The following CDR2 variants were observed in gnomAD, a reference collection of about 807,000 sequenced individuals.
CDR2 encodes the protein cerebellar degeneration related protein 2.
CDR2 carries 34 observed loss-of-function variants against 48.4 expected under a neutral mutation model. The ratio of observed to expected loss-of-function variants is 0.70; its 90% CI spans 0.53 to 0.94. The LOEUF (loss-of-function observed/expected upper bound fraction) is 0.94, where lower values mean the gene tolerates loss of function less well. Among genes scored for constraint, CDR2 ranks in the 40% least tolerant of loss-of-function variants. CDR2 has a pLI of 0.00. For missense variants in CDR2, 498 were observed against 549.5 expected (o/e 0.91, Z 0.94); for synonymous variants, 240 against 219.7 (o/e 1.09, Z -0.82).
chr16:22,349,900 G>A (rs2048931217), intron 2 of CDR2, 51 bp from the exon 3 acceptor site: 2 of 1,580,070 alleles, frequency 1.3e-6, no homozygotes, highest in Admixed American at 1.7e-5. Flanking sequence ...GATACCTGCT[G>A]TTTCTTGGCT....
At chr16:22,371,633 A>G (rs2049077237) in intron 1 of CDR2, among the ~76,000 whole-genome samples, 1 of 152,260 alleles carries the variant, frequency 6.6e-6, no homozygotes, top group Non-Finnish European at 1.5e-5. Context: ...CATATAACTT[A>G]GCAAAACTGG....
In CDR2 at chr16:22,347,460, C is replaced by G; in HGVS notation, c.870G>C (p.Leu290=). Residue 290 remains leucine, a synonymous_variant, in exon 5 of 5, where the codon CTG becomes CTC. Transcript: ENST00000268383. ...GCACAGTCAGGAACATCTCTTCCAG[C>G]AGGCTCTGGCTGGGCTCTTTGAAAG... ...YVPFKEPSQS[L]LEEMFLTVPE... 1 of 1,614,036 alleles carries G rather than the reference C, an allele frequency of 6.2e-7. No individual in the cohort carries two copies. Among genetic ancestry groups the G allele is most frequent in the African/African-American group, 1.3e-5 (1 of 75,064 alleles).
Position 22,346,845 on chromosome 16 carries a change from G to C in CDR2, c.*120C>G, listed in dbSNP as rs1033312994. The C allele has an allele frequency of 8.9e-7, 1 of 1,120,022 alleles. No individual in the cohort carries two copies. 69.4% of individuals were successfully genotyped at this position (1,120,022 alleles called of 1,614,324 possible). A position where few individuals can be genotyped will look rare whatever the true frequency, so the allele number is the denominator to read the frequency against. On this transcript the variant is annotated 3_prime_UTR_variant, in exon 5 of 5. Transcript: ENST00000268383. ...CTCGTTGTATGCATTTGCTAAATAA[G>C]CAAAGCAATGAGGCAAACGTCATGA...
At chr16:22,352,030 T>G (rs1019402594) in intron 2 of CDR2, among the ~76,000 whole-genome samples, 2 of 152,166 alleles carry the variant, frequency 1.3e-5, no homozygotes, top group African/African-American at 4.8e-5. Flanking sequence ...GGCAGATTGC[T>G]TAAGGCAGGC....
At chr16:22,355,720 G>A (rs977790442) in intron 2 of CDR2, among the ~76,000 whole-genome samples, 1 of 152,166 alleles carries the variant, frequency 6.6e-6, no homozygotes, top group Non-Finnish European at 1.5e-5. Context: ...GCCAGCATAA[G>A]GGACTTCCCT....
intron 4 of CDR2, among the ~76,000 whole-genome samples, chr16:22,348,647 G>C (rs1243929232): frequency 2.6e-5 from 4 of 152,140 alleles, no homozygotes; most frequent in Non-Finnish European, 5.9e-5. Flanking sequence ...GAAATGTGTT[G>C]GTATTTGCAT....
Position 22,349,810 on chromosome 16 carries a change from C to T in CDR2, c.232G>A (p.Glu78Lys), listed in dbSNP as rs1216529932. 3 of 1,614,020 alleles carry T rather than the reference C, an allele frequency of 1.9e-6. No individual in the cohort carries two copies. The highest frequency in any genetic ancestry group is 1.7e-5 in the Admixed American group (1 of 60,004). The stretch of plus-strand genomic sequence containing the variant: ...TGTTCATAAACCTTTGCATGTTGTT[C>T]GTTCATCTGCCGTAGAAGTTCCACT... ...KQVELLRQMN[E>K]QHAKVYEQLD... is the part of the protein sequence containing the mutation. The change falls in exon 3 of 5, where the codon GAA becomes AAA. Residue 78 changes from glutamate (E) to lysine (K), a missense_variant. Coordinates refer to ENST00000268383, the MANE Select transcript of CDR2 (RefSeq NM_001802.2).
chr16:22,347,410 T>C lies in CDR2; in HGVS notation c.920A>G (p.Lys307Arg), dbSNP rs1451839099. The change falls in exon 5 of 5, where the codon AAG (lysine) becomes AGG (arginine). Residue 307 changes from lysine to arginine, a missense_variant. Lys to Arg is a conservative substitution (Grantham distance 26). Transcript: ENST00000268383. ...TVPESHRKPL[K>R]RSSSETILSS... ...GAGGATCGTCTCACTGCTGCTGCGC[T>C]TGAGAGGCTTTCTATGTGATTCCGG... 1.2e-6 allele frequency: 2 copies of C among 1,614,040 alleles called. No individual in the cohort carries two copies. The highest frequency in any genetic ancestry group is 2.7e-5 in the African/African-American group (2 of 74,944).
Position 22,347,438 on chromosome 16 carries a change from C to A in CDR2, c.892G>T (p.Val298Leu), listed in dbSNP as rs117163191. Residue 298 changes from valine (V) to leucine (L), a missense_variant, in exon 5 of 5, where the codon GTG becomes TTG. By Grantham distance (32) the Val-to-Leu change is conservative. Coordinates refer to ENST00000268383, the MANE Select transcript of CDR2 (RefSeq NM_001802.2). ...AGAGGCTTTCTATGTGATTCCGGCA[C>A]AGTCAGGAACATCTCTTCCAGCAGG... Reference protein sequence around the residue: ...QSLLEEMFLTVPESHRKPLKR... With the variant: ...QSLLEEMFLTLPESHRKPLKR... 1.2e-6 allele frequency: 2 copies of A among 1,614,036 alleles called. No individual in the cohort carries two copies. The highest frequency in any genetic ancestry group is 2.2e-5 in the South Asian group (2 of 91,076).
intron 1 of CDR2, among the ~76,000 whole-genome samples, chr16:22,369,351 T>G (rs1047134709): frequency 2.0e-5 from 3 of 151,754 alleles, no homozygotes; most frequent in African/African-American, 7.3e-5. Flanking sequence ...GAATCCAGAC[T>G]GTCTTGAGAC....
intron 1 of CDR2, among the ~76,000 whole-genome samples, chr16:22,371,461 G>GA (rs1194208829): frequency 6.6e-6 from 1 of 152,234 alleles, no homozygotes; most frequent in Non-Finnish European, 1.5e-5. Flanking sequence ...CTAGTGAACA[G>GA]ATTCCTGGAA....
At chr16:22,368,928 A>G (rs1195511037) in intron 1 of CDR2, 1 of 152,240 alleles carries the variant, frequency 6.6e-6, no homozygotes, top group Non-Finnish European at 1.5e-5. Context: ...ATGAAAAAGG[A>G]ACTATGTATG....
intron 2 of CDR2, among the ~76,000 whole-genome samples, chr16:22,356,874 G>C (rs187546210): frequency 3.2e-4 from 46 of 142,358 alleles, no homozygotes; most frequent in African/African-American, 1.1e-3. Flanking sequence ...CTGCGAGGCA[G>C]AAGTTGCAGT....
At chr16:22,369,566 A>G (rs1740521384) in intron 1 of CDR2, among the ~76,000 whole-genome samples, 2 of 151,600 alleles carry the variant, frequency 1.3e-5, no homozygotes. Flanking sequence ...TGAAGTCTCG[A>G]TCTCCTAAAT....
intron 1 of CDR2, among the ~76,000 whole-genome samples, chr16:22,371,759 A>T (rs1464755086): frequency 6.6e-6 from 1 of 152,154 alleles, no homozygotes; most frequent in Non-Finnish European, 1.5e-5. Context: ...GTTGGTTATG[A>T]CACAGAGGGT....
intron 2 of CDR2, among the ~76,000 whole-genome samples, chr16:22,363,790 G>C (rs12596007): frequency 6.6e-6 from 1 of 152,086 alleles, no homozygotes; most frequent in Non-Finnish European, 1.5e-5. Flanking sequence ...GTTAATATCC[G>C]TGATTATCTT....
chr16:22,361,791 C>G (rs527661078), intron 2 of CDR2, among the ~76,000 whole-genome samples: 1 of 151,872 alleles, frequency 6.6e-6, no homozygotes, highest in Non-Finnish European at 1.5e-5. Flanking sequence ...ATGCTCAGAT[C>G]TAGGAACCAG....
At chr16:22,348,398 C>T in intron 4 of CDR2, among the ~76,000 whole-genome samples, 1 of 152,264 alleles carries the variant, frequency 6.6e-6, no homozygotes, top group Non-Finnish European at 1.5e-5. Flanking sequence ...ACAATGACCT[C>T]ACAAGGGAAA....
intron 1 of CDR2, among the ~76,000 whole-genome samples, chr16:22,370,820 G>C (rs2049070736): frequency 6.6e-6 from 1 of 152,164 alleles, no homozygotes; most frequent in Non-Finnish European, 1.5e-5. Flanking sequence ...GATACCCTAG[G>C]AAACTTTGAT....
Sources: allele counts gnomAD v4.1 joint callset (sites outside exome capture counted in the v4.1 genomes callset), GRCh38; gene constraint gnomAD v4.1.1; transcripts MANE v1.5; gene names NCBI Gene and HGNC (gene_info 2026-07-23, HGNC 2026-07-21).